The following MMP26 variants were observed in gnomAD, a reference collection of about 807,000 sequenced individuals.
MMP26 encodes the protein matrix metalloproteinase-26.
MMP26 carries 33 observed loss-of-function variants against 31.0 expected under a neutral mutation model. The observed-to-expected ratio is 1.06, with a 90% CI of 0.81 to 1.42. The LOEUF (loss-of-function observed/expected upper bound fraction) is 1.42. Among genes scored for constraint, MMP26 ranks in the 40% most tolerant of loss-of-function variants. The probability of loss-of-function intolerance (pLI) is 0.00; values close to 1 mark genes in which losing one functional copy is unlikely to be tolerated. For missense variants in MMP26, 347 were observed against 316.1 expected (o/e 1.10, Z -0.74); for synonymous variants, 122 against 114.9 (o/e 1.06, Z -0.40).
intron 2 of MMP26, among the ~76,000 whole-genome samples, chr11:4,789,678 C>T (rs1414574163): frequency 1.3e-5 from 2 of 150,874 alleles, no homozygotes; most frequent in Non-Finnish European, 1.5e-5. Context: ...GTAGCTGGGA[C>T]TACAGGTGCC....
intron 2 of MMP26, among the ~76,000 whole-genome samples, chr11:4,784,191 G>T (rs1424928427): frequency 6.6e-6 from 1 of 152,150 alleles, no homozygotes; most frequent in Non-Finnish European, 1.5e-5. Context: ...AATGGTTGTT[G>T]GCCAGCATTT....
intron 2 of MMP26, among the ~76,000 whole-genome samples, chr11:4,884,186 A>G (rs1056681709): frequency 3.3e-5 from 5 of 152,162 alleles, no homozygotes; most frequent in African/African-American, 7.2e-5. Context: ...TTGAGATTAC[A>G]TAAGAGTGTG....
At chr11:4,712,628 GA>G (rs1185359681) in intron 1 of MMP26, among the ~76,000 whole-genome samples, 2 of 152,028 alleles carry the variant, frequency 1.3e-5, no homozygotes, top group Non-Finnish European at 2.9e-5. Context: ...GATGTACTAA[GA>G]ATGTTATTGT....
At chr11:4,947,045 A>G in intron 2 of MMP26, 7 of 1,575,348 alleles carry the variant, frequency 4.4e-6, no homozygotes, top group Non-Finnish European at 6.1e-6. Flanking sequence ...TAGCCCTGGC[A>G]TCCCAACCAA....
chr11:4,890,349 A>G (rs561008847), intron 2 of MMP26: 2 of 166,766 alleles, frequency 1.2e-5, no homozygotes, highest in African/African-American at 2.4e-5. Context: ...GATCCTCAGC[A>G]TAGTGGGTAG....
intron 1 of MMP26, among the ~76,000 whole-genome samples, chr11:4,714,542 G>A (rs1021749404): frequency 3.3e-5 from 5 of 152,116 alleles, no homozygotes; most frequent in Non-Finnish European, 7.3e-5. Context: ...CATATTATAT[G>A]CTTTGCAATG....
At chr11:4,761,991 A>C (rs559611421) in intron 1 of MMP26, among the ~76,000 whole-genome samples, 1 of 140,976 alleles carries the variant, frequency 7.1e-6, no homozygotes, top group East Asian at 1.9e-4. Flanking sequence ...ACTACCAGGA[A>C]AAAAAAAAGA....
chr11:4,835,122 T>C (rs1432707974), intron 2 of MMP26, among the ~76,000 whole-genome samples: 4 of 151,928 alleles, frequency 2.6e-5, no homozygotes, highest in Admixed American at 1.3e-4. Flanking sequence ...CCTTGGCTTC[T>C]CTAAACATTT....
intron 2 of MMP26, among the ~76,000 whole-genome samples, chr11:4,828,712 G>C (rs1278683017): frequency 6.6e-6 from 1 of 152,094 alleles, no homozygotes; most frequent in Admixed American, 6.6e-5. Context: ...CTCTTGGTTC[G>C]ACACTTATGT....
chr11:4,825,342 T>A (rs1040464776), intron 2 of MMP26, among the ~76,000 whole-genome samples: 2 of 152,168 alleles, frequency 1.3e-5, no homozygotes, highest in East Asian at 3.9e-4. Flanking sequence ...TCACAGAAGA[T>A]CTGTCAAACC....
chr11:4,769,128 ACAC>A (rs1564905055), intron 2 of MMP26: 1 of 1,610,140 alleles, frequency 6.2e-7, no homozygotes. Context: ...CCATAGCGAT[ACAC>A]CAAGGACAGG....
chr11:4,864,725 C>T (rs1850211361), intron 2 of MMP26, among the ~76,000 whole-genome samples: 1 of 152,036 alleles, frequency 6.6e-6, no homozygotes, highest in Admixed American at 6.6e-5. Context: ...TGCAACCCCC[C>T]TGAGTGTTAA....
At chr11:4,901,636 C>T (rs1172700191) in intron 2 of MMP26, among the ~76,000 whole-genome samples, 2 of 152,070 alleles carry the variant, frequency 1.3e-5, no homozygotes, top group Non-Finnish European at 2.9e-5. Flanking sequence ...ATAAAAAATG[C>T]TTTAGTTTGT....
At position 4,747,832 on chromosome 11, in the gene MMP26, G is replaced by A. The variant is rs1028786436; in HGVS notation, c.-216-19438G>A. Among the ~76,000 whole-genome samples the A allele has an allele frequency of 9.2e-5, 14 of 152,118 alleles. No homozygotes were observed. In the South Asian group the frequency reaches 2.7e-3, roughly 29 times the overall value. On this transcript the variant is annotated intron_variant, in intron 1 of 7. Transcript: ENST00000380390. ...GAGAGAGAGTTTTATAGCATTAAAT[G>A]CCTGCATCAAAAGAATAGAAAGATC...
chr11:4,990,509 G>T (rs902754889), intron 4 of MMP26, 89 bp from the exon 5 acceptor site: 4 of 1,264,360 alleles, frequency 3.2e-6, no homozygotes, highest in Non-Finnish European at 4.3e-6. Context: ...ACTATTAAAT[G>T]ATTCTCCCCA....
At chr11:4,882,107 G>C (rs1850475421) in intron 2 of MMP26, 2 of 1,613,816 alleles carry the variant, frequency 1.2e-6, no homozygotes, top group Non-Finnish European at 1.7e-6. Flanking sequence ...CATGCTGGCA[G>C]CTGTTGATCT....
intron 1 of MMP26, among the ~76,000 whole-genome samples, 165 bp downstream of exon 1, chr11:4,705,210 C>T (rs16933308): frequency 0.031 from 4,698 of 152,048 alleles, 219 homozygotes; most frequent in East Asian, 0.24. Flanking sequence ...TTGTAGCGTT[C>T]AAAATAGTTA....
intron 2 of MMP26, chr11:4,832,101 C>G (rs1394784917): frequency 6.6e-6 from 1 of 152,202 alleles, no homozygotes; most frequent in African/African-American, 2.4e-5. Flanking sequence ...TTCTTTAGAC[C>G]CACGAGTGGA....
At chr11:4,728,011 T>A (rs961794271) in intron 1 of MMP26, among the ~76,000 whole-genome samples, 16 of 152,192 alleles carry the variant, frequency 1.1e-4, no homozygotes, top group Non-Finnish European at 1.0e-4. Flanking sequence ...ATTGGTACAG[T>A]TCTCCTGAGA....
Sources: allele counts gnomAD v4.1 joint callset (sites outside exome capture counted in the v4.1 genomes callset), GRCh38; gene constraint gnomAD v4.1.1; transcripts MANE v1.5; gene names NCBI Gene and HGNC (gene_info 2026-07-23, HGNC 2026-07-21).